Variants in SYNPO2 observed in about 807,000 individuals in gnomAD.
The protein encoded by SYNPO2 is synaptopodin-2.
In SYNPO2, 56 loss-of-function variants were observed where a neutral mutation model predicts 85.0. The observed-to-expected ratio is 0.66, with a 90% CI of 0.53 to 0.82. SYNPO2 has a LOEUF of 0.82. Among genes scored for constraint, SYNPO2 ranks in the 40% least tolerant of loss-of-function variants. The pLI, the probability that SYNPO2 is intolerant of heterozygous loss-of-function variation, is 0.00. For synonymous variants in SYNPO2, 602 were observed against 591.1 expected, an observed-to-expected ratio of 1.02 and a Z score of -0.27; for missense variants, 1,575 against 1,534.2, an observed-to-expected ratio of 1.03 and a Z score of -0.44.
rs760829273 is a variant in SYNPO2, at chr4:119,030,944, T to G, written c.2169T>G (p.Thr723=). The G allele has an allele frequency of 1.4e-5, 23 of 1,614,178 alleles. No individual in the cohort carries two copies. The South Asian group carries it at 2.4e-4, about 17-fold the overall frequency. ...AAAATTCAGAAGGCAAACGGGGCAC[T>G]GGAGCTGGAGGTGATTCCGGACCGG... ...LLQNSEGKRG[T]GAGGDSGPEE... The change falls in exon 4 of 5, where the codon ACT becomes ACG. Residue 723 remains threonine, a synonymous_variant. Coordinates refer to ENST00000307142, the MANE Select transcript of SYNPO2 (RefSeq NM_133477.3).
chr4:118,993,561 A>C (rs1463042945), intron 1 of SYNPO2, among the ~76,000 whole-genome samples: 1 of 152,128 alleles, frequency 6.6e-6, no homozygotes, highest in Non-Finnish European at 1.5e-5. Context: ...AGCCACAGCA[A>C]TGTCCCTCCT....
At chr4:118,955,538 G>C (rs1734845704) in intron 1 of SYNPO2, among the ~76,000 whole-genome samples, 1 of 152,086 alleles carries the variant, frequency 6.6e-6, no homozygotes, top group African/African-American at 2.4e-5. Context: ...CTATTGAATT[G>C]GGCCTTCTAA....
intron 1 of SYNPO2, among the ~76,000 whole-genome samples, chr4:118,930,187 T>C (rs1733876623): frequency 6.6e-6 from 1 of 152,202 alleles, no homozygotes; most frequent in Non-Finnish European, 1.5e-5. Flanking sequence ...ACTTGCCTCA[T>C]TTAATCCTCA....
intron 1 of SYNPO2, among the ~76,000 whole-genome samples, chr4:118,967,375 CAACA>C (rs1378031720): frequency 6.6e-6 from 1 of 152,178 alleles, no homozygotes; most frequent in Non-Finnish European, 1.5e-5. Context: ...CTGAGTTTTC[CAACA>C]AACAACTTCT....
chr4:118,942,299 C>T (rs1002393505), intron 1 of SYNPO2, among the ~76,000 whole-genome samples: 1 of 152,174 alleles, frequency 6.6e-6, no homozygotes, highest in African/African-American at 2.4e-5. Context: ...CCCAAACTTG[C>T]TATGTTGTTT....
At chr4:118,853,376 A>C (rs1161317281) in intron 1 of SYNPO2, among the ~76,000 whole-genome samples, 1 of 152,128 alleles carries the variant, frequency 6.6e-6, no homozygotes, top group African/African-American at 2.4e-5. Flanking sequence ...CAAATTTAGG[A>C]TATTTCCCCC....
intron 1 of SYNPO2, among the ~76,000 whole-genome samples, chr4:118,999,567 C>G (rs1036233081): frequency 1.2e-4 from 18 of 152,144 alleles, no homozygotes; most frequent in Admixed American, 1.3e-4. Flanking sequence ...TACCACCGCA[C>G]CCAGCTAGCT....
chr4:119,004,595 A>G lies in SYNPO2; in HGVS notation c.106-18835A>G, dbSNP rs371682875. On this transcript the variant is annotated intron_variant, in intron 1 of 4. Coordinates refer to ENST00000307142, the MANE Select transcript of SYNPO2 (RefSeq NM_133477.3). The stretch of plus-strand genomic sequence containing the variant: ...GGCTGCATAGTATTCCATGGGGTAT[A>G]TGTGCCACATTTTCTTAATCCAGTC... Among the ~76,000 whole-genome samples, 29 of 147,324 alleles carry G rather than the reference A, an allele frequency of 2.0e-4. 1 individual carries two copies. The highest frequency in any genetic ancestry group is 1.9e-3 in the South Asian group (8 of 4,156).
At chr4:118,920,767 T>C (rs537832301) in intron 1 of SYNPO2, among the ~76,000 whole-genome samples, 4 of 152,288 alleles carry the variant, frequency 2.6e-5, no homozygotes, top group South Asian at 2.1e-4. Flanking sequence ...AGTACACATA[T>C]GAAACCATTT....
intron 1 of SYNPO2, among the ~76,000 whole-genome samples, chr4:118,941,202 C>T (rs1450030521): frequency 6.6e-6 from 1 of 152,150 alleles, no homozygotes; most frequent in South Asian, 2.1e-4. Context: ...GTTTTTGAGC[C>T]AGAAACCTTG....
intron 1 of SYNPO2, among the ~76,000 whole-genome samples, chr4:118,906,511 A>G (rs1392543977): frequency 6.6e-6 from 1 of 152,130 alleles, no homozygotes; most frequent in Non-Finnish European, 1.5e-5. Flanking sequence ...GTTCTTTTTG[A>G]TTAGAGCTAT....
At chr4:119,023,293 A>T in intron 1 of SYNPO2, 137 bp from the exon 2 acceptor site, 1 of 815,912 alleles carries the variant, frequency 1.2e-6, no homozygotes, top group Non-Finnish European at 1.9e-6. Context: ...AGAAGTATTT[A>T]AATGGTCTTA....
intron 4 of SYNPO2, chr4:119,033,864 A>G (rs1738385764): frequency 3.0e-6 from 3 of 985,242 alleles, no homozygotes; most frequent in South Asian, 9.4e-5. Context: ...TTCTCCATAC[A>G]TTGTAAAACT....
At chr4:118,923,802 A>C (rs1462791627) in intron 1 of SYNPO2, among the ~76,000 whole-genome samples, 7 of 151,100 alleles carry the variant, frequency 4.6e-5, no homozygotes, top group Admixed American at 4.0e-4. Flanking sequence ...CTACCCCTAT[A>C]TTGAAACTCC....
At chr4:119,043,990 A>G (rs2149198016) in intron 4 of SYNPO2, 1 of 151,228 alleles carries the variant, frequency 6.6e-6, no homozygotes, top group Admixed American at 6.6e-5. Context: ...ACCAGCTGTA[A>G]TAGCAGCTAT....
intron 4 of SYNPO2, among the ~76,000 whole-genome samples, chr4:119,051,416 C>T (rs182541912): frequency 0.029 from 4,328 of 151,404 alleles, 160 homozygotes; most frequent in African/African-American, 0.086. Flanking sequence ...TGGTCTCGAT[C>T]TCCTGACCTC....
Position 119,012,325 on chromosome 4 carries a change from G to T in SYNPO2, c.106-11105G>T, listed in dbSNP as rs571012228. On this transcript the variant is annotated intron_variant, in intron 1 of 4. Coordinates refer to ENST00000307142, the MANE Select transcript of SYNPO2 (RefSeq NM_133477.3). ...TGATCTTTAGCCTGAATTGGTTGTTGGTTTTAGTCTTGCTCTTTTAGCACA... is the reference window on the plus strand; with the variant it reads ...TGATCTTTAGCCTGAATTGGTTGTTTGTTTTAGTCTTGCTCTTTTAGCACA... Among the ~76,000 whole-genome samples, 558 of 149,356 alleles carry T rather than the reference G, an allele frequency of 3.7e-3. 3 individuals are homozygous for T. The highest frequency in any genetic ancestry group is 0.013 in the African/African-American group (530 of 40,694).
chr4:119,023,397 T>C, intron 1 of SYNPO2, 33 bp from the exon 2 acceptor site: 1 of 1,574,728 alleles, frequency 6.4e-7, no homozygotes, highest in Non-Finnish European at 8.6e-7. Flanking sequence ...AATTATATCA[T>C]TCTACTATGT....
chr4:119,031,381 G>A lies in SYNPO2; in HGVS notation c.2606G>A (p.Ser869Asn). 6.2e-7 allele frequency: 1 copy of A among 1,614,182 alleles called. No homozygotes were observed. The highest frequency in any genetic ancestry group is 8.5e-7 in the Non-Finnish European group (1 of 1,180,032). Residue 869 changes from serine to asparagine, a missense_variant, in exon 4 of 5, where the codon AGT (serine) becomes AAT (asparagine). Ser to Asn is a conservative substitution (Grantham distance 46). Coordinates refer to ENST00000307142, the MANE Select transcript of SYNPO2 (RefSeq NM_133477.3). ...CCATCCAATGAGCTTCCAGGAATGAGTGGGAGAGGAGCTCAGCTCTTTGCT... is the reference window on the plus strand; with the variant it reads ...CCATCCAATGAGCTTCCAGGAATGAATGGGAGAGGAGCTCAGCTCTTTGCT... Reference protein sequence around the residue: ...VGPSNELPGMSGRGAQLFAKR... With the variant: ...VGPSNELPGMNGRGAQLFAKR...
Sources: gnomAD v4.1 joint callset for allele counts (sites outside exome capture counted in the v4.1 genomes callset) on GRCh38, gnomAD v4.1.1 for gene constraint, MANE v1.5 for transcripts, NCBI Gene and HGNC (gene_info 2026-07-23, HGNC 2026-07-21) for gene names.